The following DPYD variants were observed in gnomAD, a reference collection of about 807,000 sequenced individuals.
DPYD encodes the protein dihydropyrimidine dehydrogenase [NADP(+)].
DPYD carries 109 observed loss-of-function variants against 116.2 expected under a neutral mutation model. The observed-to-expected ratio is 0.94, with a 90% CI of 0.80 to 1.10. The LOEUF (loss-of-function observed/expected upper bound fraction) is 1.10. DPYD is among the 50% of genes least tolerant of loss of function. DPYD has a pLI of 0.00. For missense variants in DPYD, 1,302 were observed against 1,254.5 expected, an observed-to-expected ratio of 1.04 and a Z score of -0.57; for synonymous variants, 440 against 432.0, an observed-to-expected ratio of 1.02 and a Z score of -0.23.
At chr1:97,192,165 T>C (rs1658419041) in intron 20 of DPYD, among the ~76,000 whole-genome samples, 1 of 152,158 alleles carries the variant, frequency 6.6e-6, no homozygotes, top group Admixed American at 6.6e-5. Context: ...CTACTAAAAC[T>C]AGCCAAATAT....
intron 5 of DPYD, among the ~76,000 whole-genome samples, chr1:97,704,781 G>T (rs574504714): frequency 1.3e-5 from 2 of 151,830 alleles, no homozygotes; most frequent in African/African-American, 4.8e-5. Context: ...AATGTCAGTT[G>T]TCCATCAACT....
intron 20 of DPYD, among the ~76,000 whole-genome samples, chr1:97,173,283 C>CCTATGTACAT (rs1656914000): frequency 8.3e-6 from 1 of 120,340 alleles, no homozygotes; most frequent in African/African-American, 2.8e-5. Flanking sequence ...TATATGCACA[C>CCTATGTACAT]ATATATGTAC....
At chr1:97,489,291 A>T (rs770258382) in intron 13 of DPYD, among the ~76,000 whole-genome samples, 1 of 152,160 alleles carries the variant, frequency 6.6e-6, no homozygotes, top group Non-Finnish European at 1.5e-5. Context: ...TCCTACCTTG[A>T]AGTTAAGGCA....
chr1:97,409,171 G>C (rs972415092), intron 14 of DPYD, among the ~76,000 whole-genome samples: 70 of 152,024 alleles, frequency 4.6e-4, no homozygotes, highest in African/African-American at 1.6e-3. Context: ...ATAAGCACAT[G>C]GGTTTTGTAA....
intron 1 of DPYD, among the ~76,000 whole-genome samples, chr1:97,907,901 T>A (rs1010252373): frequency 3.3e-5 from 5 of 152,132 alleles, no homozygotes; most frequent in Non-Finnish European, 5.9e-5. Flanking sequence ...AGTAAAGGTG[T>A]CAACCTTGTC....
At chr1:97,474,848 C>A (rs1260183548) in intron 13 of DPYD, among the ~76,000 whole-genome samples, 1 of 151,710 alleles carries the variant, frequency 6.6e-6, no homozygotes, top group African/African-American at 2.4e-5. Context: ...TAATAAAATG[C>A]AATTCAGACA....
intron 6 of DPYD, among the ~76,000 whole-genome samples, 196 bp from the exon 7 acceptor site, chr1:97,691,994 A>T (rs1661033812): frequency 6.6e-6 from 1 of 152,228 alleles, no homozygotes; most frequent in African/African-American, 2.4e-5. Flanking sequence ...TGGAGTGAAG[A>T]TACAGTAGAA....
At chr1:97,407,740 G>A (rs12410949) in intron 14 of DPYD, among the ~76,000 whole-genome samples, 6,584 of 152,112 alleles carry the variant, frequency 0.043, 245 homozygotes, top group East Asian at 0.16. Context: ...GGTGTAAGTA[G>A]AAGTGACACC....
intron 14 of DPYD, among the ~76,000 whole-genome samples, chr1:97,390,372 T>C (rs555312151): frequency 1.3e-5 from 2 of 152,054 alleles, no homozygotes; most frequent in Non-Finnish European, 2.9e-5. Flanking sequence ...AAAAACAGCA[T>C]GAGACATTTG....
intron 20 of DPYD, among the ~76,000 whole-genome samples, chr1:97,190,731 A>G (rs894522860): frequency 3.2e-4 from 49 of 152,230 alleles, no homozygotes; most frequent in African/African-American, 1.1e-3. Context: ...TACTTGAAAG[A>G]TAACATGACA....
intron 18 of DPYD, among the ~76,000 whole-genome samples, chr1:97,288,076 A>G (rs1665853834): frequency 6.6e-6 from 1 of 151,402 alleles, no homozygotes; most frequent in Non-Finnish European, 1.5e-5. Context: ...ACAAAGATCA[A>G]AAGAGACAAA....
At chr1:97,136,139 T>C (rs563071547) in intron 20 of DPYD, among the ~76,000 whole-genome samples, 4 of 152,286 alleles carry the variant, frequency 2.6e-5, no homozygotes, top group Admixed American at 2.6e-4. Context: ...AATCCATTTA[T>C]TCACTTTCTG....
At chr1:97,292,862 T>G (rs1666302651) in intron 18 of DPYD, among the ~76,000 whole-genome samples, 1 of 152,118 alleles carries the variant, frequency 6.6e-6, no homozygotes, top group South Asian at 2.1e-4. Flanking sequence ...CAAGGCATTG[T>G]TGTTGGCCTA....
At chr1:97,477,604 C>CTTTTTTTTTT (rs56199931) in intron 13 of DPYD, among the ~76,000 whole-genome samples, 7 of 113,674 alleles carry the variant, frequency 6.2e-5, no homozygotes, top group African/African-American at 2.4e-4. Context: ...GACTGTTCTT[C>CTTTTTTTTTT]TTTTTTTTTT....
At chr1:97,777,151 C>T (rs977158448) in intron 3 of DPYD, among the ~76,000 whole-genome samples, 2 of 152,018 alleles carry the variant, frequency 1.3e-5, no homozygotes, top group Non-Finnish European at 2.9e-5. Flanking sequence ...CTACCTAACA[C>T]CTAGTTGTAA....
intron 11 of DPYD, among the ~76,000 whole-genome samples, chr1:97,564,155 T>C (rs1420775291): frequency 6.6e-6 from 1 of 152,190 alleles, no homozygotes; most frequent in East Asian, 1.9e-4. Context: ...TCAATGTTAT[T>C]ATTCAGGCAT....
At chr1:97,170,619 T>C (rs570139217) in intron 20 of DPYD, among the ~76,000 whole-genome samples, 2 of 152,112 alleles carry the variant, frequency 1.3e-5, no homozygotes, top group Non-Finnish European at 2.9e-5. Context: ...TCCCTGAAGG[T>C]CTTCTCTTCT....
chr1:97,489,484 T>A (rs1051567132), intron 13 of DPYD, among the ~76,000 whole-genome samples: 1 of 152,192 alleles, frequency 6.6e-6, no homozygotes, highest in African/African-American at 2.4e-5. Flanking sequence ...ACTGGAAAAT[T>A]TTCATAAGAT....
At chr1:97,882,098 G>A (rs943844259) in intron 2 of DPYD, among the ~76,000 whole-genome samples, 45 of 151,826 alleles carry the variant, frequency 3.0e-4, no homozygotes, top group African/African-American at 9.2e-4. Context: ...ATTAAACTGC[G>A]TCATGGCTTG....
Sources: allele counts gnomAD v4.1 joint callset (sites outside exome capture counted in the v4.1 genomes callset), GRCh38; gene constraint gnomAD v4.1.1; transcripts MANE v1.5; gene names NCBI Gene and HGNC (gene_info 2026-07-23, HGNC 2026-07-21).